Variants in QKI observed in about 807,000 individuals in gnomAD.
QKI encodes the protein KH domain-containing RNA-binding protein QKI.
Under a neutral mutation model 39.0 loss-of-function variants are expected in QKI, and 10 were observed. The observed-to-expected ratio is 0.26, with a 90% CI of 0.16 to 0.43. The LOEUF is 0.43. QKI is among the 20% of genes least tolerant of loss of function. The pLI is 1.00. For missense variants in QKI, 218 were observed against 428.0 expected (o/e 0.51, Z 4.33); for synonymous variants, 204 against 155.4 (o/e 1.31, Z -2.33).
At chr6:163,462,019 T>C (rs180811663) in intron 2 of QKI, among the ~76,000 whole-genome samples, 2 of 152,304 alleles carry the variant, frequency 1.3e-5, no homozygotes, top group East Asian at 3.9e-4. Context: ...TCACGTGCCT[T>C]TACTTTAGGG....
intron 2 of QKI, among the ~76,000 whole-genome samples, chr6:163,471,422 A>G (rs1792174392): frequency 6.6e-6 from 1 of 152,202 alleles, no homozygotes; most frequent in South Asian, 2.1e-4. Context: ...AAAATTGTTG[A>G]TAAACCTAAA....
At position 163,573,782 on chromosome 6, in the gene QKI, T is replaced by G. The variant is rs1783827836; in HGVS notation, c.*3072T>G. ...CCCACAGCATTATTTTAATAAATGT[T>G]ATAATACCAACCTACTAACTCTGGA... On this transcript the variant is annotated 3_prime_UTR_variant, in exon 8 of 8. Coordinates refer to ENST00000361752, the MANE Select transcript of QKI (RefSeq NM_006775.3). The G allele has an allele frequency of 6.6e-6, 1 of 152,218 alleles. No homozygotes were observed. Among genetic ancestry groups the G allele is most frequent in the Non-Finnish European group, 1.5e-5 (1 of 68,034 alleles). 9.4% of individuals were successfully genotyped at this position (152,218 alleles called of 1,614,324 possible).
intron 3 of QKI, among the ~76,000 whole-genome samples, chr6:163,504,028 C>T (rs1394633550): frequency 6.6e-6 from 1 of 151,976 alleles, no homozygotes; most frequent in Non-Finnish European, 1.5e-5. Context: ...CAGGTGTGAG[C>T]CCCCACCCCC....
At chr6:163,554,666 C>G (rs143223454) in intron 4 of QKI, among the ~76,000 whole-genome samples, 1 of 152,174 alleles carries the variant, frequency 6.6e-6, no homozygotes, top group Non-Finnish European at 1.5e-5. Context: ...ATGGAGCCAC[C>G]GTCTACTTTA....
At chr6:163,527,650 C>T (rs16895088) in intron 3 of QKI, among the ~76,000 whole-genome samples, 5,890 of 152,086 alleles carry the variant, frequency 0.039, 393 homozygotes, top group African/African-American at 0.14. Context: ...CATAGGGCAG[C>T]GATTCATAAA....
intron 4 of QKI, among the ~76,000 whole-genome samples, chr6:163,551,587 T>C (rs909997241): frequency 5.3e-5 from 8 of 152,202 alleles, no homozygotes; most frequent in Non-Finnish European, 8.8e-5. Context: ...TGAAAATAGT[T>C]TGGGTATAAG....
intron 3 of QKI, among the ~76,000 whole-genome samples, chr6:163,509,559 A>G (rs183157963): frequency 6.6e-6 from 1 of 152,088 alleles, no homozygotes; most frequent in Admixed American, 6.5e-5. Context: ...ACAGGTTTCT[A>G]CATATTATGT....
chr6:163,417,778 G>T (rs1299020439), intron 1 of QKI, among the ~76,000 whole-genome samples: 2 of 152,164 alleles, frequency 1.3e-5, no homozygotes, highest in Non-Finnish European at 2.9e-5. Flanking sequence ...CCAGTGTAAA[G>T]ATTGCTTCTG....
At chr6:163,553,864 G>T (rs1038799142) in intron 4 of QKI, among the ~76,000 whole-genome samples, 1 of 152,140 alleles carries the variant, frequency 6.6e-6, no homozygotes, top group Non-Finnish European at 1.5e-5. Context: ...GTGTGTGTTT[G>T]AGTGTTTTAA....
At chr6:163,476,429 A>T (rs990392059) in intron 2 of QKI, among the ~76,000 whole-genome samples, 4 of 152,194 alleles carry the variant, frequency 2.6e-5, no homozygotes, top group Admixed American at 2.0e-4. Flanking sequence ...GTGTGAAACA[A>T]TGAAAATCTG....
chr6:163,550,777 T>A (rs913134050), intron 4 of QKI, among the ~76,000 whole-genome samples: 3 of 151,766 alleles, frequency 2.0e-5, no homozygotes, highest in African/African-American at 7.3e-5. Flanking sequence ...AAACCCCATC[T>A]CTACTAAAAA....
chr6:163,481,282 CTA>C (rs1314669581), intron 3 of QKI, among the ~76,000 whole-genome samples: 2 of 151,994 alleles, frequency 1.3e-5, no homozygotes, highest in African/African-American at 4.8e-5. Context: ...ATGTGTATAT[CTA>C]TATGTGTGTA....
intron 4 of QKI, among the ~76,000 whole-genome samples, chr6:163,537,099 T>A (rs1188307987): frequency 6.6e-6 from 1 of 152,132 alleles, no homozygotes; most frequent in African/African-American, 2.4e-5. Context: ...TCCCAGCTAC[T>A]TGGGAGGCTA....
intron 3 of QKI, among the ~76,000 whole-genome samples, chr6:163,506,897 C>T (rs891754797): frequency 1.3e-5 from 2 of 152,144 alleles, no homozygotes; most frequent in Non-Finnish European, 1.5e-5. Flanking sequence ...CCTCCCATCC[C>T]TCACTCTCAC....
At position 163,571,718 on chromosome 6, in the gene QKI, A is replaced by AT. The variant is rs912774628; in HGVS notation, c.*1009dup. On this transcript the variant is annotated 3_prime_UTR_variant, in exon 8 of 8. Coordinates refer to ENST00000361752, the MANE Select transcript of QKI (RefSeq NM_006775.3). The stretch of plus-strand genomic sequence containing the variant: ...GTAGCATTTTATACTTTCAAGTGTT[A>AT]TAAAAAAAAAGAAAAAGAACAAAGA... 9 of 41,836 alleles carry AT rather than the reference A, an allele frequency of 2.2e-4. No individual in the cohort carries two copies. The highest frequency in any genetic ancestry group is 1.5e-3 in the African/African-American group (5 of 3,382). 2.6% of individuals were successfully genotyped at this position (41,836 alleles called of 1,614,324 possible).
chr6:163,459,532 C>A (rs1365935291), intron 2 of QKI, among the ~76,000 whole-genome samples: 1 of 152,186 alleles, frequency 6.6e-6, no homozygotes, highest in Admixed American at 6.5e-5. Context: ...CAAGTCACTT[C>A]ATTTACAGAG....
intron 3 of QKI, 98 bp downstream of exon 3, chr6:163,478,994 C>G: frequency 9.3e-7 from 1 of 1,071,434 alleles, no homozygotes; most frequent in Non-Finnish European, 1.4e-6. Context: ...GCTTAAAACA[C>G]TATATTCCAG....
At position 163,570,811 on chromosome 6, in the gene QKI, A is replaced by G; in HGVS notation, c.*101A>G. 6.8e-7 allele frequency: 1 copy of G among 1,477,420 alleles called. No homozygotes were observed. Among genetic ancestry groups the G allele is most frequent in the Non-Finnish European group, 9.2e-7 (1 of 1,086,496 alleles). 91.5% of individuals were successfully genotyped at this position (1,477,420 alleles called of 1,614,324 possible). A position where few individuals can be genotyped will look rare whatever the true frequency, so the allele number is the denominator to read the frequency against. On this transcript the variant is annotated 3_prime_UTR_variant, in exon 8 of 8. Transcript: ENST00000361752. ...TAATCGCCTTTGCTTGCCTGTCGTC[A>G]GTGCAGCGAGCTGAGGCACTTGTCC...
chr6:163,457,245 C>G (rs1002117382), intron 2 of QKI: 1 of 446,640 alleles, frequency 2.2e-6, no homozygotes, highest in African/African-American at 2.0e-5. Context: ...GGTTCCATCT[C>G]TTAAAAAAAG....
Sources: gnomAD v4.1 joint callset for allele counts (sites outside exome capture counted in the v4.1 genomes callset) on GRCh38, gnomAD v4.1.1 for gene constraint, MANE v1.5 for transcripts, NCBI Gene and HGNC (gene_info 2026-07-23, HGNC 2026-07-21) for gene names.